MYRIP: variants seen among roughly 807,000 people sequenced by gnomAD.
MYRIP encodes rab effector MyRIP.
Under a neutral mutation model 98.0 loss-of-function variants are expected in MYRIP, and 49 were observed. That is an observed-to-expected ratio of 0.50 (90% confidence interval 0.40 to 0.63). The LOEUF (loss-of-function observed/expected upper bound fraction) is 0.63. Ranked by LOEUF, MYRIP falls within the 30% of genes least tolerant of loss-of-function variation. MYRIP has a pLI of 0.00. For synonymous variants in MYRIP, 404 were observed against 409.5 expected, an observed-to-expected ratio of 0.99 and a Z score of 0.16; for missense variants, 1,004 against 1,058.2, an observed-to-expected ratio of 0.95 and a Z score of 0.71.
intron 3 of MYRIP, among the ~76,000 whole-genome samples, chr3:40,078,397 A>G (rs1226584572): frequency 1.3e-5 from 2 of 152,210 alleles, no homozygotes; most frequent in Non-Finnish European, 1.5e-5. Flanking sequence ...GGGCTCCTCA[A>G]GTGCCGCCAA....
At chr3:40,233,634 A>C (rs1952730238) in intron 11 of MYRIP, among the ~76,000 whole-genome samples, 1 of 152,186 alleles carries the variant, frequency 6.6e-6, no homozygotes, top group African/African-American at 2.4e-5. Context: ...AAGAATCTGA[A>C]ATAATTACAA....
chr3:40,197,041 C>G (rs532704749), intron 10 of MYRIP, among the ~76,000 whole-genome samples: 1 of 152,256 alleles, frequency 6.6e-6, no homozygotes, highest in African/African-American at 2.4e-5. Context: ...GCCTCTATGC[C>G]AGGGGTCCCC....
At chr3:39,905,461 G>C (rs994881355) in intron 2 of MYRIP, among the ~76,000 whole-genome samples, 1 of 152,016 alleles carries the variant, frequency 6.6e-6, no homozygotes, top group African/African-American at 2.4e-5. Context: ...TTTTTGGCTT[G>C]GTGTTCTACT....
chr3:39,868,623 A>T (rs1339989639), intron 1 of MYRIP, among the ~76,000 whole-genome samples: 2 of 152,126 alleles, frequency 1.3e-5, no homozygotes, highest in Non-Finnish European at 2.9e-5. Context: ...TATTTCCTGT[A>T]TTCTGATCCT....
chr3:39,955,536 A>G (rs543574821), intron 2 of MYRIP, among the ~76,000 whole-genome samples: 29 of 152,330 alleles, frequency 1.9e-4, no homozygotes, highest in Non-Finnish European at 3.8e-4. Flanking sequence ...AGCACTAAAC[A>G]TGGAAAAGAA....
At chr3:40,137,131 T>C (rs944191540) in intron 3 of MYRIP, among the ~76,000 whole-genome samples, 12 of 152,178 alleles carry the variant, frequency 7.9e-5, no homozygotes, top group African/African-American at 2.4e-4. Flanking sequence ...ATTGATAGAC[T>C]GCTAGCAAGA....
At chr3:39,887,887 G>C (rs1314144763) in intron 1 of MYRIP, among the ~76,000 whole-genome samples, 3 of 151,946 alleles carry the variant, frequency 2.0e-5, no homozygotes, top group Non-Finnish European at 2.9e-5. Context: ...ACCAACAACA[G>C]ACAAACAGAG....
intron 2 of MYRIP, among the ~76,000 whole-genome samples, chr3:39,942,362 C>T (rs539079319): frequency 1.3e-5 from 2 of 152,190 alleles, no homozygotes; most frequent in South Asian, 4.1e-4. Flanking sequence ...CTTGCTGCAA[C>T]CAGTATTTTA....
chr3:39,979,655 CAAA>C (rs56328162), intron 2 of MYRIP, among the ~76,000 whole-genome samples: 2 of 131,134 alleles, frequency 1.5e-5, no homozygotes, highest in African/African-American at 3.0e-5. Flanking sequence ...CAAAACAAAA[CAAA>C]AAAAAAAAAA....
At chr3:40,034,801 T>G (rs1251573671) in intron 2 of MYRIP, among the ~76,000 whole-genome samples, 1 of 151,848 alleles carries the variant, frequency 6.6e-6, no homozygotes. Flanking sequence ...CTATTCACAA[T>G]AGCAAAGACT....
intron 2 of MYRIP, among the ~76,000 whole-genome samples, chr3:40,006,212 A>G (rs1946629544): frequency 6.6e-6 from 1 of 152,182 alleles, no homozygotes; most frequent in Non-Finnish European, 1.5e-5. Context: ...CAGGTGGGTG[A>G]CCCCATCAAA....
At chr3:40,122,162 T>A (rs930706665) in intron 3 of MYRIP, among the ~76,000 whole-genome samples, 4 of 152,096 alleles carry the variant, frequency 2.6e-5, no homozygotes, top group Non-Finnish European at 5.9e-5. Context: ...ATGAGCAACA[T>A]TAACTCAGAA....
chr3:39,904,244 GTTTGTTT>G (rs1943821373), intron 2 of MYRIP, among the ~76,000 whole-genome samples: 1 of 151,858 alleles, frequency 6.6e-6, no homozygotes, highest in South Asian at 2.1e-4. Context: ...TTTGTTTGTT[GTTTGTTT>G]GTTTGTTTGT....
intron 2 of MYRIP, among the ~76,000 whole-genome samples, chr3:39,919,869 T>C (rs1417086972): frequency 6.6e-6 from 1 of 152,186 alleles, no homozygotes; most frequent in African/African-American, 2.4e-5. Context: ...GATCACACTA[T>C]CTATCTTACT....
intron 2 of MYRIP, among the ~76,000 whole-genome samples, chr3:39,977,119 AT>A (rs1419008569): frequency 6.6e-6 from 1 of 150,896 alleles, no homozygotes; most frequent in Non-Finnish European, 1.5e-5. Flanking sequence ...TAAAAGGTTT[AT>A]TTTAAAAAAA....
At chr3:39,968,483 T>C (rs544093919) in intron 2 of MYRIP, among the ~76,000 whole-genome samples, 29 of 152,200 alleles carry the variant, frequency 1.9e-4, no homozygotes, top group Non-Finnish European at 5.9e-5. Context: ...CTTTAACCTA[T>C]CTTGAGTTGA....
At chr3:40,099,749 C>T (rs2693479) in intron 3 of MYRIP, among the ~76,000 whole-genome samples, 64,750 of 152,040 alleles carry the variant, frequency 0.43, 14,467 homozygotes, top group Admixed American at 0.53. Context: ...AAGCAAACCT[C>T]ATAGTCTGTG....
At chr3:40,000,646 T>C (rs1350413338) in intron 2 of MYRIP, among the ~76,000 whole-genome samples, 1 of 152,168 alleles carries the variant, frequency 6.6e-6, no homozygotes, top group Non-Finnish European at 1.5e-5. Flanking sequence ...TGTGACTTGC[T>C]TTCGTCCTTA....
At chr3:39,963,679 T>C (rs1348202799) in intron 2 of MYRIP, among the ~76,000 whole-genome samples, 1 of 152,164 alleles carries the variant, frequency 6.6e-6, no homozygotes, top group African/African-American at 2.4e-5. Flanking sequence ...AGAAAGTTGA[T>C]ATTCTACATG....
Sources: allele counts gnomAD v4.1 joint callset (sites outside exome capture counted in the v4.1 genomes callset), GRCh38; gene constraint gnomAD v4.1.1; transcripts MANE v1.5; gene names NCBI Gene and HGNC (gene_info 2026-07-23, HGNC 2026-07-21).